COLEC12: variants seen among roughly 807,000 people sequenced by gnomAD.
COLEC12 encodes the protein collectin subfamily member 12.
COLEC12 carries 33 observed loss-of-function variants against 71.1 expected under a neutral mutation model. The ratio of observed to expected loss-of-function variants is 0.46; its 90% CI spans 0.35 to 0.62. The LOEUF is 0.62. Ranked by LOEUF, COLEC12 falls within the 20% of genes least tolerant of loss-of-function variation. The pLI, the probability that COLEC12 is intolerant of heterozygous loss-of-function variation, is 0.00. For missense variants in COLEC12, 765 were observed against 916.1 expected (o/e 0.84, Z 2.13); for synonymous variants, 350 against 353.0 (o/e 0.99, Z 0.10).
chr18:334,952 C>T lies in COLEC12; in HGVS notation c.1606G>A (p.Gly536Arg). 1.3e-6 allele frequency: 2 copies of T among 1,571,260 alleles called. No homozygotes were observed. Among genetic ancestry groups the T allele is most frequent in the South Asian group, 1.2e-5 (1 of 85,168 alleles). Residue 536 changes from glycine (G) to arginine (R), a missense_variant, in exon 6 of 10, where the codon GGA (glycine) becomes AGA (arginine). Physicochemically the swap from Gly to Arg is moderately radical, Grantham distance 125 (BLOSUM62 -2). Transcript: ENST00000400256. Reference protein sequence around the residue: ...PGPPGPPGKEGLPGPQGPPGF... With the variant: ...PGPPGPPGKERLPGPQGPPGF... ...GGAGGGCCCTGAGGGCCGGGGAGTC[C>T]CTCTTTGCCTGGTGGGCCCGGGGGG...
At position 472,143 on chromosome 18, in the gene COLEC12, A is replaced by G. The variant is rs79040515; in HGVS notation, c.58+8564T>C. 0.019 allele frequency among the ~76,000 whole-genome samples: 2,963 copies of G among 152,318 alleles called. 131 individuals carry two copies. In the East Asian group the frequency reaches 0.2, roughly 10 times the overall value. The stretch of plus-strand genomic sequence containing the variant: ...AGGCAGACAATACAGTTATCCCTGT[A>G]TTCTAGAGGAGGACGCTCAGGCACA... On this transcript the variant is annotated intron_variant, in intron 2 of 9. Coordinates refer to ENST00000400256, the MANE Select transcript of COLEC12 (RefSeq NM_130386.3).
intron 2 of COLEC12, among the ~76,000 whole-genome samples, chr18:441,926 G>C (rs1447708771): frequency 6.9e-6 from 1 of 145,958 alleles, no homozygotes; most frequent in African/African-American, 2.8e-5. Flanking sequence ...CCTCAGCCTG[G>C]GAGCTTGAGG....
chr18:496,452 CCAAT>C (rs1917714176), intron 1 of COLEC12, among the ~76,000 whole-genome samples: 1 of 152,206 alleles, frequency 6.6e-6, no homozygotes, highest in Non-Finnish European at 1.5e-5. Flanking sequence ...GCCCCTATTA[CCAAT>C]CAGTGAAGGG....
intron 2 of COLEC12, among the ~76,000 whole-genome samples, chr18:461,511 T>A (rs1420213929): frequency 1.3e-5 from 2 of 152,182 alleles, no homozygotes; most frequent in African/African-American, 2.4e-5. Flanking sequence ...CTCAGCCTCC[T>A]GAGTAGACAG....
At chr18:415,394 C>T (rs1433201256) in intron 2 of COLEC12, among the ~76,000 whole-genome samples, 1 of 151,996 alleles carries the variant, frequency 6.6e-6, no homozygotes, top group Non-Finnish European at 1.5e-5. Context: ...TGAGGTAGCG[C>T]CTAAATCGTT....
At chr18:487,607 G>T (rs998399371) in intron 1 of COLEC12, among the ~76,000 whole-genome samples, 1 of 152,124 alleles carries the variant, frequency 6.6e-6, no homozygotes, top group Non-Finnish European at 1.5e-5. Context: ...TGGACACCGG[G>T]AACAGGAAAT....
chr18:500,653 T>TCGC lies in COLEC12; in HGVS notation c.-142_-140dup, dbSNP rs1304587755. On this transcript the variant is annotated 5_prime_UTR_variant, in exon 1 of 10. Coordinates refer to ENST00000400256, the MANE Select transcript of COLEC12 (RefSeq NM_130386.3). The surrounding 1 kb of genome is among the most constrained non-coding windows in gnomAD (Gnocchi z 5.3). ...CGGCCGTCTGCGCCCCCGTCCTCCC[T>TCGC]CGCCGCCGCCGGCCCGCGCTCCCCG... is the stretch of plus-strand genomic sequence containing the variant. 1.7e-6 allele frequency: 1 copy of TCGC among 578,102 alleles called. No homozygotes were observed. The highest frequency in any genetic ancestry group is 2.3e-6 in the Non-Finnish European group (1 of 429,818). The allele number at this position is 578,102 out of a possible 1,614,324, so 35.8% of individuals were successfully genotyped here. A position where few individuals can be genotyped will look rare whatever the true frequency, so the allele number is the denominator to read the frequency against.
At chr18:328,446 G>C (rs765018584) in intron 8 of COLEC12, among the ~76,000 whole-genome samples, 3 of 152,184 alleles carry the variant, frequency 2.0e-5, no homozygotes, top group African/African-American at 7.2e-5. Flanking sequence ...TGTGGGACTT[G>C]AGTGAGACAC....
At chr18:367,140 C>G (rs1045320749) in intron 2 of COLEC12, among the ~76,000 whole-genome samples, 1 of 152,214 alleles carries the variant, frequency 6.6e-6, no homozygotes, top group Non-Finnish European at 1.5e-5. Context: ...TGCAATCCAA[C>G]ACTTGCCTTG....
intron 2 of COLEC12, among the ~76,000 whole-genome samples, chr18:375,545 G>C (rs567733850): frequency 6.6e-6 from 1 of 152,208 alleles, no homozygotes; most frequent in South Asian, 2.1e-4. Flanking sequence ...GGAGTGCAGT[G>C]GCTATTCCTA....
At chr18:488,429 G>T (rs538066475) in intron 1 of COLEC12, among the ~76,000 whole-genome samples, 1 of 151,858 alleles carries the variant, frequency 6.6e-6, no homozygotes, top group South Asian at 2.1e-4. Context: ...GAAAAAGAAA[G>T]AACTTTTGGA....
chr18:409,733 C>T (rs1915857456), intron 2 of COLEC12, among the ~76,000 whole-genome samples: 1 of 152,092 alleles, frequency 6.6e-6, no homozygotes, highest in South Asian at 2.1e-4. Context: ...TATTAATTAC[C>T]CACTGTAAGT....
intron 3 of COLEC12, among the ~76,000 whole-genome samples, chr18:355,205 G>A (rs55941935): frequency 0.076 from 11,571 of 152,128 alleles, 1,445 homozygotes; most frequent in African/African-American, 0.26. Context: ...ATGGAAACTC[G>A]TAGTTTGGGT....
At chr18:389,542 T>C (rs1915418390) in intron 2 of COLEC12, among the ~76,000 whole-genome samples, 2 of 151,426 alleles carry the variant, frequency 1.3e-5, no homozygotes, top group Admixed American at 1.3e-4. Context: ...CCTCCCAAAG[T>C]GCTGAGATTA....
chr18:320,189 A>G (rs1913669808), intron 9 of COLEC12, 125 bp from the exon 10 acceptor site: 3 of 585,802 alleles, frequency 5.1e-6, no homozygotes, highest in African/African-American at 2.0e-5. Context: ...AACAATGCTT[A>G]TATTTTCAAA....
At chr18:427,104 T>C (rs1305350942) in intron 2 of COLEC12, among the ~76,000 whole-genome samples, 2 of 152,164 alleles carry the variant, frequency 1.3e-5, no homozygotes, top group Non-Finnish European at 2.9e-5. Flanking sequence ...GTGTACTCAA[T>C]ATTTTCTGCC....
chr18:396,677 C>T (rs1193110269), intron 2 of COLEC12, among the ~76,000 whole-genome samples: 1 of 152,212 alleles, frequency 6.6e-6, no homozygotes, highest in Non-Finnish European at 1.5e-5. Context: ...CCAGATGGAC[C>T]AGCCCTTCTG....
chr18:473,465 T>C (rs975484919), intron 2 of COLEC12, among the ~76,000 whole-genome samples: 2 of 151,216 alleles, frequency 1.3e-5, no homozygotes, highest in Admixed American at 6.6e-5. Context: ...CAGGTTCAAG[T>C]GATTCTCCTG....
intron 9 of COLEC12, among the ~76,000 whole-genome samples, chr18:320,796 G>A (rs1468659326): frequency 6.6e-6 from 1 of 152,132 alleles, no homozygotes. Context: ...TCATTCTGGT[G>A]AAGAAAACTA....
Sources: allele counts gnomAD v4.1 joint callset (sites outside exome capture counted in the v4.1 genomes callset), GRCh38; gene constraint gnomAD v4.1.1; non-coding constraint Gnocchi (gnomAD v3.1); transcripts MANE v1.5; gene names NCBI Gene and HGNC (gene_info 2026-07-23, HGNC 2026-07-21).